The following NRXN1 variants were observed in gnomAD, a reference collection of about 807,000 sequenced individuals.
The protein encoded by NRXN1 is neurexin-1.
Under a neutral mutation model 150.9 loss-of-function variants are expected in NRXN1, and 39 were observed. The ratio of observed to expected loss-of-function variants is 0.26; its 90% CI spans 0.20 to 0.34. NRXN1 has a LOEUF of 0.34. Ranked by LOEUF, NRXN1 falls within the 10% of genes least tolerant of loss-of-function variation. The pLI is 1.00. For missense variants in NRXN1, 1,815 were observed against 1,949.9 expected (o/e 0.93, Z 1.30); for synonymous variants, 924 against 757.0 (o/e 1.22, Z -3.62).
intron 9 of NRXN1, among the ~76,000 whole-genome samples, chr2:50,545,637 C>T (rs904424484): frequency 1.3e-5 from 2 of 152,164 alleles, no homozygotes; most frequent in Non-Finnish European, 2.9e-5. Context: ...TTACCTATTA[C>T]AGGACATGAA....
At chr2:49,962,100 T>C (rs1676065717) in intron 21 of NRXN1, among the ~76,000 whole-genome samples, 1 of 152,100 alleles carries the variant, frequency 6.6e-6, no homozygotes, top group Admixed American at 6.5e-5. Flanking sequence ...GGTGTGTTTG[T>C]GGTATATGAA....
chr2:50,617,221 G>A (rs1272072882), intron 8 of NRXN1, among the ~76,000 whole-genome samples: 2 of 152,010 alleles, frequency 1.3e-5, no homozygotes, highest in Admixed American at 6.6e-5. Flanking sequence ...ATCACTTGAG[G>A]TCAGTAGTTC....
chr2:50,034,263 C>T (rs756644273), intron 21 of NRXN1, among the ~76,000 whole-genome samples: 5 of 151,964 alleles, frequency 3.3e-5, no homozygotes, highest in South Asian at 2.1e-4. Flanking sequence ...TATTGGTAGA[C>T]TGGATAAAGA....
At chr2:50,329,669 ATATATTTTTT>A (rs2076695613) in intron 17 of NRXN1, among the ~76,000 whole-genome samples, 7 of 22,410 alleles carry the variant, frequency 3.1e-4, no homozygotes, top group Non-Finnish European at 4.9e-4. Context: ...ATATATATAT[ATATATTTTTT>A]TTTTTCCCCC....
chr2:50,146,496 T>C (rs1392248948), intron 18 of NRXN1, among the ~76,000 whole-genome samples: 1 of 151,694 alleles, frequency 6.6e-6, no homozygotes, highest in Non-Finnish European at 1.5e-5. Flanking sequence ...TATAGAGTAA[T>C]GCTAAATATT....
intron 8 of NRXN1, among the ~76,000 whole-genome samples, chr2:50,610,910 A>C (rs1320136492): frequency 6.7e-6 from 1 of 148,886 alleles, no homozygotes; most frequent in African/African-American, 2.5e-5. Flanking sequence ...ACGTTTCACT[A>C]ATTTTTTGTA....
chr2:50,003,533 G>A (rs898389936), intron 21 of NRXN1, among the ~76,000 whole-genome samples: 1 of 152,026 alleles, frequency 6.6e-6, no homozygotes, highest in Admixed American at 6.6e-5. Context: ...GATAAAATCT[G>A]TTGGCAACCT....
chr2:50,068,109 CA>C (rs145278406), intron 19 of NRXN1, among the ~76,000 whole-genome samples: 324 of 152,278 alleles, frequency 2.1e-3, no homozygotes, highest in African/African-American at 7.6e-3. Context: ...ATTATTATGA[CA>C]TTCTGATCTT....
intron 15 of NRXN1, among the ~76,000 whole-genome samples, chr2:50,491,848 G>C (rs1436088714): frequency 6.6e-6 from 1 of 152,008 alleles, no homozygotes; most frequent in African/African-American, 2.4e-5. Context: ...TTAAAGAAGG[G>C]TACTCATTGA....
At chr2:50,539,564 C>T (rs1183412730) in intron 9 of NRXN1, among the ~76,000 whole-genome samples, 1 of 152,064 alleles carries the variant, frequency 6.6e-6, no homozygotes, top group South Asian at 2.1e-4. Context: ...CTGATCAAAA[C>T]GTGCATACAC....
intron 15 of NRXN1, among the ~76,000 whole-genome samples, chr2:50,480,711 G>C (rs1158390352): frequency 1.3e-5 from 2 of 152,062 alleles, no homozygotes; most frequent in South Asian, 4.2e-4. Flanking sequence ...TCTATTTCTT[G>C]GCTCCTTGTC....
chr2:50,581,692 A>C (rs1672284564), intron 8 of NRXN1, among the ~76,000 whole-genome samples: 1 of 152,190 alleles, frequency 6.6e-6, no homozygotes, highest in African/African-American at 2.4e-5. Flanking sequence ...TGGTACTAGC[A>C]AGAGTCTTTG....
intron 17 of NRXN1, among the ~76,000 whole-genome samples, chr2:50,408,836 A>ACTCTCTCTCTCTCTCTCTCTCT (rs1572862265): frequency 1.7e-5 from 1 of 57,182 alleles, no homozygotes; most frequent in Non-Finnish European, 3.9e-5. Flanking sequence ...AATCAATCTC[A>ACTCTCTCTCTCTCTCTCTCTCT]ATCTCTCTCT....
At chr2:50,309,728 C>T (rs921731427) in intron 17 of NRXN1, among the ~76,000 whole-genome samples, 3 of 152,080 alleles carry the variant, frequency 2.0e-5, no homozygotes, top group African/African-American at 7.2e-5. Flanking sequence ...ACTATGGGAC[C>T]CTTGCCAGCT....
intron 21 of NRXN1, among the ~76,000 whole-genome samples, chr2:49,989,964 G>T (rs1296937633): frequency 2.6e-5 from 4 of 151,964 alleles, no homozygotes; most frequent in African/African-American, 9.7e-5. Context: ...TCTCTCTAAT[G>T]GGTGAACAAT....
At chr2:50,200,421 G>C (rs540219299) in intron 18 of NRXN1, among the ~76,000 whole-genome samples, 2 of 152,088 alleles carry the variant, frequency 1.3e-5, no homozygotes, top group African/African-American at 2.4e-5. Flanking sequence ...AGAGATACTA[G>C]TCTTGACCTA....
At chr2:50,370,602 T>C (rs1305515420) in intron 17 of NRXN1, among the ~76,000 whole-genome samples, 1 of 151,972 alleles carries the variant, frequency 6.6e-6, no homozygotes, top group Non-Finnish European at 1.5e-5. Flanking sequence ...GTTCTCTGTA[T>C]CTCCTTCTAA....
chr2:50,965,877 A>G (rs940016938), intron 2 of NRXN1, among the ~76,000 whole-genome samples: 3 of 151,558 alleles, frequency 2.0e-5, no homozygotes, highest in African/African-American at 7.2e-5. Context: ...TTTTACATAA[A>G]CTTACAAGAT....
At chr2:50,309,036 T>A (rs1186091033) in intron 17 of NRXN1, among the ~76,000 whole-genome samples, 1 of 152,162 alleles carries the variant, frequency 6.6e-6, no homozygotes, top group African/African-American at 2.4e-5. Context: ...GGACCTAACA[T>A]AAAGGGATCT....
Sources: gnomAD v4.1 joint callset for allele counts (sites outside exome capture counted in the v4.1 genomes callset) on GRCh38, gnomAD v4.1.1 for gene constraint, MANE v1.5 for transcripts, NCBI Gene and HGNC (gene_info 2026-07-23, HGNC 2026-07-21) for gene names.